Variants in CTNNA2 observed in about 807,000 individuals in gnomAD.
The protein encoded by CTNNA2 is catenin alpha-2.
A neutral mutation model predicts 101.0 loss-of-function variants in CTNNA2; 42 were observed. The observed-to-expected ratio is 0.42, with a 90% CI of 0.32 to 0.54. The LOEUF is 0.54. Among genes scored for constraint, CTNNA2 ranks in the 20% least tolerant of loss-of-function variants. The pLI is 0.14. For synonymous variants in CTNNA2, 450 were observed against 456.4 expected (o/e 0.99, Z 0.18); for missense variants, 871 against 1,223.1 (o/e 0.71, Z 4.29).
intron 9 of CTNNA2, among the ~76,000 whole-genome samples, chr2:80,517,005 C>T (rs1689161073): frequency 6.6e-6 from 1 of 152,104 alleles, no homozygotes; most frequent in East Asian, 1.9e-4. Flanking sequence ...TTCTCTCACC[C>T]CACCCCTCCC....
chr2:80,555,995 A>G (rs779389145), intron 12 of CTNNA2, 102 bp downstream of exon 12: 5 of 770,574 alleles, frequency 6.5e-6, no homozygotes, highest in Non-Finnish European at 9.7e-6. Context: ...TTATGCTTCT[A>G]AATTGCACAT....
chr2:79,637,629 C>T (rs1680163302), intron 1 of CTNNA2, among the ~76,000 whole-genome samples: 1 of 152,140 alleles, frequency 6.6e-6, no homozygotes, highest in African/African-American at 2.4e-5. Flanking sequence ...ACTGAAAGGT[C>T]AAAAATGGCC....
At chr2:80,175,149 C>A (rs114791945) in intron 7 of CTNNA2, among the ~76,000 whole-genome samples, 1 of 152,124 alleles carries the variant, frequency 6.6e-6, no homozygotes, top group African/African-American at 2.4e-5. Flanking sequence ...CCCACTCTTT[C>A]GGGATATAGG....
intron 2 of CTNNA2, among the ~76,000 whole-genome samples, chr2:79,306,478 TAAA>T (rs1352590883): frequency 6.6e-6 from 1 of 152,170 alleles, no homozygotes; most frequent in East Asian, 1.9e-4. Flanking sequence ...TTTTGTTAAT[TAAA>T]AAATAAAATT....
intron 1 of CTNNA2, among the ~76,000 whole-genome samples, chr2:79,546,418 C>T (rs1340211304): frequency 1.3e-5 from 2 of 152,080 alleles, no homozygotes; most frequent in African/African-American, 4.8e-5. Context: ...AATAGAGAAA[C>T]CATCTTTTTA....
chr2:79,502,376 C>T (rs1671330036), intron 4 of CTNNA2, among the ~76,000 whole-genome samples: 1 of 152,118 alleles, frequency 6.6e-6, no homozygotes, highest in African/African-American at 2.4e-5. Flanking sequence ...TGTACAACTT[C>T]TTGGCATAAA....
chr2:79,894,030 TTCTTCTTC>T (rs1684502222), intron 6 of CTNNA2, among the ~76,000 whole-genome samples: 1 of 145,540 alleles, frequency 6.9e-6, no homozygotes, highest in Non-Finnish European at 1.5e-5. Context: ...CTTCTTCTTC[TTCTTCTTC>T]TTCTTCTTCT....
At chr2:79,949,722 G>A (rs1342388154) in intron 7 of CTNNA2, among the ~76,000 whole-genome samples, 1 of 152,086 alleles carries the variant, frequency 6.6e-6, no homozygotes, top group Non-Finnish European at 1.5e-5. Flanking sequence ...AGGCTGTAGG[G>A]ACCCATGATC....
intron 2 of CTNNA2, among the ~76,000 whole-genome samples, chr2:79,682,983 T>G (rs1683687565): frequency 6.6e-6 from 1 of 152,248 alleles, no homozygotes; most frequent in Non-Finnish European, 1.5e-5. Context: ...TGGCATTTAT[T>G]AAAACACGAG....
intron 2 of CTNNA2, among the ~76,000 whole-genome samples, chr2:79,680,905 A>G (rs1244208887): frequency 2.6e-5 from 4 of 152,154 alleles, no homozygotes; most frequent in African/African-American, 4.8e-5. Flanking sequence ...TGCAGTGTGG[A>G]ACTGGGACCT....
chr2:80,076,750 C>G (rs1265686655), intron 7 of CTNNA2, among the ~76,000 whole-genome samples: 1 of 151,960 alleles, frequency 6.6e-6, no homozygotes, highest in Non-Finnish European at 1.5e-5. Flanking sequence ...AATATATAGC[C>G]CCTCTATGTT....
chr2:79,762,965 G>T (rs1573905662), intron 3 of CTNNA2, among the ~76,000 whole-genome samples: 1 of 152,262 alleles, frequency 6.6e-6, no homozygotes, highest in East Asian at 1.9e-4. Context: ...GTAACAAACT[G>T]TTTTTCAGAA....
chr2:79,198,572 A>C (rs755741156), intron 2 of CTNNA2, among the ~76,000 whole-genome samples: 54 of 152,354 alleles, frequency 3.5e-4, no homozygotes, highest in Middle Eastern at 3.4e-3. Flanking sequence ...AACCAAAAGG[A>C]GCAAAAGAAT....
At chr2:79,836,020 G>A (rs963552344) in intron 3 of CTNNA2, among the ~76,000 whole-genome samples, 6 of 152,020 alleles carry the variant, frequency 3.9e-5, no homozygotes, top group Non-Finnish European at 7.4e-5. Flanking sequence ...TCTAGTTGCT[G>A]CAATTGCTGA....
intron 7 of CTNNA2, among the ~76,000 whole-genome samples, chr2:80,106,315 C>T (rs1700887305): frequency 6.6e-6 from 1 of 152,150 alleles, no homozygotes; most frequent in Non-Finnish European, 1.5e-5. Flanking sequence ...TTTGGTTTTT[C>T]CTGGGCTGAG....
chr2:80,062,437 C>T (rs1407226104), intron 7 of CTNNA2, among the ~76,000 whole-genome samples: 1 of 152,044 alleles, frequency 6.6e-6, no homozygotes, highest in Non-Finnish European at 1.5e-5. Context: ...CTGTGTTTGG[C>T]TTCTTGAAGT....
chr2:79,529,271 C>T (rs974223216), intron 1 of CTNNA2, among the ~76,000 whole-genome samples: 3 of 152,152 alleles, frequency 2.0e-5, no homozygotes, highest in Non-Finnish European at 4.4e-5. Flanking sequence ...TAGGAACCAT[C>T]TGAATGTGAG....
At chr2:79,407,450 T>TC (rs1189221280) in intron 4 of CTNNA2, among the ~76,000 whole-genome samples, 1 of 151,918 alleles carries the variant, frequency 6.6e-6, no homozygotes, top group Non-Finnish European at 1.5e-5. Context: ...TGGTTTTTTT[T>TC]CTCTCCCCAT....
intron 3 of CTNNA2, among the ~76,000 whole-genome samples, chr2:79,322,615 T>G (rs1306822142): frequency 6.6e-6 from 1 of 152,234 alleles, no homozygotes; most frequent in Non-Finnish European, 1.5e-5. Context: ...TCAGGCTATC[T>G]TGAAAGACAC....
Sources: gnomAD v4.1 joint callset for allele counts (sites outside exome capture counted in the v4.1 genomes callset) on GRCh38, gnomAD v4.1.1 for gene constraint, MANE v1.5 for transcripts, NCBI Gene and HGNC (gene_info 2026-07-23, HGNC 2026-07-21) for gene names.